Variants in AGPAT5 observed in about 807,000 individuals in gnomAD.
AGPAT5 encodes the protein 1-acyl-sn-glycerol-3-phosphate acyltransferase epsilon.
AGPAT5 carries 46 observed loss-of-function variants against 45.6 expected under a neutral mutation model. The ratio of observed to expected loss-of-function variants is 1.01; its 90% CI spans 0.80 to 1.29. The LOEUF (loss-of-function observed/expected upper bound fraction) is 1.29. Ranked by LOEUF, AGPAT5 falls within the 50% of genes most tolerant of loss-of-function variation. AGPAT5 has a pLI of 0.00. For missense variants in AGPAT5, 673 were observed against 450.7 expected (o/e 1.49, Z -4.47); for synonymous variants, 272 against 167.0 (o/e 1.63, Z -4.85).
At chr8:6,742,647 T>C (rs1288919631) in intron 5 of AGPAT5, among the ~76,000 whole-genome samples, 3 of 152,244 alleles carry the variant, frequency 2.0e-5, no homozygotes, top group Non-Finnish European at 4.4e-5. Context: ...ATTCAACATG[T>C]GACTAGTGCA....
chr8:6,721,887 C>G (rs1447192019), intron 1 of AGPAT5, among the ~76,000 whole-genome samples: 1 of 151,920 alleles, frequency 6.6e-6, no homozygotes, highest in Non-Finnish European at 1.5e-5. Flanking sequence ...AGACAGGGGT[C>G]TTGCTGTGTT....
chr8:6,724,756 A>G (rs1330507312), intron 1 of AGPAT5, 114 bp from the exon 2 acceptor site: 4 of 359,448 alleles, frequency 1.1e-5, no homozygotes, highest in Admixed American at 8.3e-5. Context: ...ATTTTTGTTA[A>G]TCATGGATGG....
chr8:6,722,313 A>G (rs1800528660), intron 1 of AGPAT5, among the ~76,000 whole-genome samples: 1 of 152,166 alleles, frequency 6.6e-6, no homozygotes, highest in Non-Finnish European at 1.5e-5. Context: ...GCTCAAAATA[A>G]TCCTTATGCC....
chr8:6,730,799 G>A lies in AGPAT5; in HGVS notation c.378G>A (p.Leu126=). 6.2e-7 allele frequency: 1 copy of A among 1,613,186 alleles called. No individual in the cohort carries two copies. The highest frequency in any genetic ancestry group is 2.2e-5 in the East Asian group (1 of 44,868). The change falls in exon 3 of 8, where the codon CTG becomes CTA. Residue 126 remains leucine, a synonymous_variant. Coordinates refer to ENST00000285518, the MANE Select transcript of AGPAT5 (RefSeq NM_018361.5). ...TGCTGAAAGAAGGGTTAAAATGGCTGCCATTGTATGGGTGTTACTTTGCTC... is the reference window on the plus strand; with the variant it reads ...TGCTGAAAGAAGGGTTAAAATGGCTACCATTGTATGGGTGTTACTTTGCTC... ...RYVLKEGLKW[L]PLYGCYFAQH... is the part of the protein sequence containing the mutation.
intron 5 of AGPAT5, among the ~76,000 whole-genome samples, chr8:6,743,598 A>C (rs902230270): frequency 6.6e-6 from 1 of 152,240 alleles, no homozygotes; most frequent in Non-Finnish European, 1.5e-5. Context: ...GTCCTGCAGA[A>C]GTGCAGGCAC....
At chr8:6,728,563 T>C (rs1181331833) in intron 2 of AGPAT5, among the ~76,000 whole-genome samples, 3 of 152,212 alleles carry the variant, frequency 2.0e-5, no homozygotes, top group East Asian at 1.9e-4. Context: ...GGGAGGGGCA[T>C]GTGAGGCCAT....
Position 6,735,549 on chromosome 8 carries a change from A to C in AGPAT5, c.495+2899A>C, listed in dbSNP as rs1222430195. Among the ~76,000 whole-genome samples the C allele has an allele frequency of 2.0e-5, 3 of 152,206 alleles. No individual in the cohort carries two copies. In the East Asian group the frequency reaches 5.8e-4, roughly 29 times the overall value. On this transcript the variant is annotated intron_variant, in intron 4 of 7. Transcript: ENST00000285518. Reference sequence around the variant, plus strand: ...ACTGGTATCTGTTACATTGGCCCCCAACTAAACAACCACTTGCATCTTGTT... The same window carrying C: ...ACTGGTATCTGTTACATTGGCCCCCCACTAAACAACCACTTGCATCTTGTT...
intron 1 of AGPAT5, among the ~76,000 whole-genome samples, chr8:6,716,186 T>G (rs752397855): frequency 1.2e-4 from 19 of 152,204 alleles, no homozygotes; most frequent in Non-Finnish European, 2.4e-4. Context: ...ATGGATCATC[T>G]CCTCTGCAAC....
intron 3 of AGPAT5, among the ~76,000 whole-genome samples, chr8:6,731,402 G>T (rs946725176): frequency 6.6e-6 from 1 of 152,122 alleles, no homozygotes; most frequent in Non-Finnish European, 1.5e-5. Context: ...GAATGGGATA[G>T]TATTTGCATA....
chr8:6,715,312 TGTA>T (rs1800285839), intron 1 of AGPAT5, among the ~76,000 whole-genome samples: 1 of 152,156 alleles, frequency 6.6e-6, no homozygotes, highest in African/African-American at 2.4e-5. Context: ...TGGAAGGTAA[TGTA>T]GTCATCCAGG....
intron 6 of AGPAT5, among the ~76,000 whole-genome samples, chr8:6,754,648 G>T (rs1194928008): frequency 1.3e-5 from 2 of 152,210 alleles, no homozygotes; most frequent in Non-Finnish European, 2.9e-5. Context: ...CATGGTGACA[G>T]GTGACACACT....
intron 1 of AGPAT5, among the ~76,000 whole-genome samples, chr8:6,711,774 G>A (rs1461353626): frequency 6.6e-6 from 1 of 152,162 alleles, no homozygotes; most frequent in Non-Finnish European, 1.5e-5. Flanking sequence ...GGTGACTGGT[G>A]GCATTCCTTG....
At chr8:6,750,736 T>TA (rs1554514726) in intron 6 of AGPAT5, among the ~76,000 whole-genome samples, 2 of 151,760 alleles carry the variant, frequency 1.3e-5, no homozygotes, top group Admixed American at 1.3e-4. Context: ...TTTTTTTTTT[T>TA]AATCCATTAG....
intron 6 of AGPAT5, among the ~76,000 whole-genome samples, chr8:6,751,019 A>G (rs1329221670): frequency 6.6e-6 from 1 of 152,188 alleles, no homozygotes; most frequent in Non-Finnish European, 1.5e-5. Context: ...TGTAGCTTGA[A>G]AAAACTCTGC....
At chr8:6,713,635 A>T (rs575523396) in intron 1 of AGPAT5, among the ~76,000 whole-genome samples, 1 of 152,044 alleles carries the variant, frequency 6.6e-6, no homozygotes, top group Non-Finnish European at 1.5e-5. Context: ...ACTCACTGCA[A>T]CCTCTGCCCC....
chr8:6,729,274 T>C (rs1276455743), intron 2 of AGPAT5, among the ~76,000 whole-genome samples: 1 of 152,028 alleles, frequency 6.6e-6, no homozygotes, highest in Non-Finnish European at 1.5e-5. Context: ...TTGTAATCTG[T>C]GGAAAACTGT....
At chr8:6,753,355 G>A (rs993788704) in intron 6 of AGPAT5, among the ~76,000 whole-genome samples, 3 of 152,198 alleles carry the variant, frequency 2.0e-5, no homozygotes, top group African/African-American at 7.2e-5. Flanking sequence ...TTGACCAGGT[G>A]ATTACTTAAT....
At chr8:6,718,365 C>G (rs962554970) in intron 1 of AGPAT5, among the ~76,000 whole-genome samples, 5 of 152,224 alleles carry the variant, frequency 3.3e-5, no homozygotes, top group Admixed American at 6.5e-5. Flanking sequence ...GAGGACGCAG[C>G]TGTGATATGA....
At chr8:6,749,266 G>A (rs1445695879) in intron 6 of AGPAT5, among the ~76,000 whole-genome samples, 3 of 152,198 alleles carry the variant, frequency 2.0e-5, no homozygotes, top group Non-Finnish European at 4.4e-5. Flanking sequence ...GTTAGGGAGG[G>A]AGGCTGGAGG....
Sources: gnomAD v4.1 joint callset for allele counts (sites outside exome capture counted in the v4.1 genomes callset) on GRCh38, gnomAD v4.1.1 for gene constraint, MANE v1.5 for transcripts, NCBI Gene and HGNC (gene_info 2026-07-23, HGNC 2026-07-21) for gene names.